NFIB: variants seen among roughly 807,000 people sequenced by gnomAD.
NFIB encodes the protein nuclear factor I B, also known as nuclear factor 1 B-type.
A neutral mutation model predicts 61.5 loss-of-function variants in NFIB; 11 were observed. That is an observed-to-expected ratio of 0.18 (90% CI 0.11 to 0.30). NFIB has a LOEUF of 0.30. Ranked by LOEUF, NFIB falls within the 10% of genes least tolerant of loss-of-function variation. The pLI is 1.00. For synonymous variants in NFIB, 260 were observed against 216.5 expected, an observed-to-expected ratio of 1.20 and a Z score of -1.76; for missense variants, 471 against 608.9, an observed-to-expected ratio of 0.77 and a Z score of 2.38.
chr9:14,470,029 G>T, the NFIB span, among the ~76,000 whole-genome samples: 1 of 152,172 alleles, frequency 6.6e-6, no homozygotes, highest in African/African-American at 2.4e-5. Context: ...AGACTGGCAG[G>T]TACTAAAGCA....
At chr9:14,416,377 C>T in the NFIB span, among the ~76,000 whole-genome samples, 4 of 152,084 alleles carry the variant, frequency 2.6e-5, no homozygotes, top group Non-Finnish European at 5.9e-5. Context: ...GAGGTGACAG[C>T]TCCGCATGTG....
chr9:14,281,063 C>T (rs528686050), intron 2 of NFIB, among the ~76,000 whole-genome samples: 10 of 152,218 alleles, frequency 6.6e-5, no homozygotes, highest in African/African-American at 2.4e-4. Context: ...ATCATTTTTA[C>T]CCTCTCAAAT....
At chr9:14,216,529 TCTCTCTCTCTCTCC>T (rs1318743838) in intron 2 of NFIB, among the ~76,000 whole-genome samples, 216 of 29,412 alleles carry the variant, frequency 7.3e-3, no homozygotes, top group African/African-American at 0.028. Flanking sequence ...TCTCTCTCTC[TCTCTCTCTCTCTCC>T]CTCTGTGTGT....
intron 1 of NFIB, among the ~76,000 whole-genome samples, chr9:14,373,132 G>T (rs113615292): frequency 3.9e-5 from 6 of 152,172 alleles, no homozygotes; most frequent in Non-Finnish European, 7.4e-5. Context: ...GGAGAAGGGT[G>T]GTGGGAATGC....
intron 1 of NFIB, among the ~76,000 whole-genome samples, chr9:14,336,003 T>C (rs1464796662): frequency 6.6e-6 from 1 of 152,232 alleles, no homozygotes; most frequent in Non-Finnish European, 1.5e-5. Flanking sequence ...CTATTTCTGT[T>C]TTTCTATTCT....
intron 6 of NFIB, among the ~76,000 whole-genome samples, chr9:14,128,742 A>ACAT (rs2040027312): frequency 6.6e-6 from 1 of 152,018 alleles, no homozygotes; most frequent in East Asian, 1.9e-4. Context: ...TGAGAAACAG[A>ACAT]ACAGTGTCGT....
chr9:14,422,615 T>C, the NFIB span, among the ~76,000 whole-genome samples: 4 of 152,324 alleles, frequency 2.6e-5, no homozygotes, highest in South Asian at 8.3e-4. Flanking sequence ...CTTGAGACAA[T>C]ATCCTTTCAC....
the NFIB span, among the ~76,000 whole-genome samples, chr9:14,480,526 C>G: frequency 6.6e-6 from 1 of 152,148 alleles, no homozygotes; most frequent in Admixed American, 6.5e-5. Flanking sequence ...CTCATCATAG[C>G]CTTCCTGGGT....
At chr9:14,322,189 T>G in intron 1 of NFIB, 1 of 1,106,012 alleles carries the variant, frequency 9.0e-7, no homozygotes, top group Non-Finnish European at 1.1e-6. Flanking sequence ...GCGGTCAAAG[T>G]CAAGTCTAAA....
chr9:14,191,571 A>G (rs541895037), intron 2 of NFIB, among the ~76,000 whole-genome samples: 1 of 152,296 alleles, frequency 6.6e-6, no homozygotes, highest in South Asian at 2.1e-4. Flanking sequence ...TACTCATTTT[A>G]TCTTTAATAG....
chr9:14,415,530 G>A, the NFIB span, among the ~76,000 whole-genome samples: 1 of 152,220 alleles, frequency 6.6e-6, no homozygotes, highest in Non-Finnish European at 1.5e-5. Flanking sequence ...CTCAGAGGCT[G>A]TCTAATGCTG....
the NFIB span, among the ~76,000 whole-genome samples, chr9:14,444,992 C>G: frequency 8.0e-6 from 1 of 124,622 alleles, no homozygotes; most frequent in Non-Finnish European, 1.9e-5. Flanking sequence ...ATAAATGGAA[C>G]AATACAGTAT....
At chr9:14,486,624 T>C in the NFIB span, among the ~76,000 whole-genome samples, 3 of 152,078 alleles carry the variant, frequency 2.0e-5, no homozygotes, top group South Asian at 2.1e-4. Context: ...TTTGGTTGGA[T>C]AGCAGGCCTT....
At chr9:14,301,784 T>G (rs1212508727) in intron 2 of NFIB, among the ~76,000 whole-genome samples, 2 of 152,180 alleles carry the variant, frequency 1.3e-5, no homozygotes, top group Non-Finnish European at 2.9e-5. Flanking sequence ...GGTGGGAGAC[T>G]GTGTTTTCTT....
At position 14,120,332 on chromosome 9, in the gene NFIB, A is replaced by T; in HGVS notation, c.1245+108T>A. On this transcript the variant is annotated intron_variant, in intron 8 of 10. Coordinates refer to ENST00000380953, the MANE Select transcript of NFIB (RefSeq NM_001190737.2). The surrounding 1 kb of genome is among the most constrained non-coding windows in gnomAD (Gnocchi z 4.4). ...AAGCAACTTCCTGAAGATGGATTTC[A>T]AGGCTTGACGTTCTGCCAGACACAC... 1 of 1,227,724 alleles carries T rather than the reference A, an allele frequency of 8.1e-7. No individual in the cohort carries two copies. The allele number at this position is 1,227,724 out of a possible 1,614,324, so 76.1% of individuals were successfully genotyped here. A position where few individuals can be genotyped will look rare whatever the true frequency, so the allele number is the denominator to read the frequency against.
chr9:14,212,605 G>C (rs1319815611), intron 2 of NFIB, among the ~76,000 whole-genome samples: 1 of 150,700 alleles, frequency 6.6e-6, no homozygotes, highest in Non-Finnish European at 1.5e-5. Flanking sequence ...AATAATTTAG[G>C]TAATCATCTC....
the NFIB span, among the ~76,000 whole-genome samples, chr9:14,427,614 A>G: frequency 6.6e-6 from 1 of 152,168 alleles, no homozygotes; most frequent in Non-Finnish European, 1.5e-5. Context: ...GGAAGCCCAC[A>G]TAGACTGGGC....
intron 3 of NFIB, among the ~76,000 whole-genome samples, chr9:14,167,068 GTT>G (rs1491589107): frequency 2.9e-5 from 2 of 69,764 alleles, no homozygotes; most frequent in Non-Finnish European, 5.2e-5. Flanking sequence ...AGGGCATATT[GTT>G]GTGTGTGTGT....
intron 1 of NFIB, among the ~76,000 whole-genome samples, chr9:14,369,799 T>C (rs1343921288): frequency 6.6e-6 from 1 of 152,224 alleles, no homozygotes; most frequent in Non-Finnish European, 1.5e-5. Context: ...TCACCATCTT[T>C]GGCCTGATAT....
Sources: gnomAD v4.1 joint callset for allele counts (sites outside exome capture counted in the v4.1 genomes callset) on GRCh38, gnomAD v4.1.1 for gene constraint, Gnocchi (gnomAD v3.1) non-coding constraint, MANE v1.5 for transcripts, NCBI Gene and HGNC (gene_info 2026-07-23, HGNC 2026-07-21) for gene names.